The following SUGCT variants were observed in gnomAD, a reference collection of about 807,000 sequenced individuals.
SUGCT encodes succinyl-CoA:glutarate CoA-transferase.
In SUGCT, 41 loss-of-function variants were observed where a neutral mutation model predicts 55.0. The observed-to-expected ratio is 0.74, with a 90% CI of 0.58 to 0.97. The LOEUF is 0.97. Among genes scored for constraint, SUGCT ranks in the 50% least tolerant of loss-of-function variants. The probability of loss-of-function intolerance (pLI) is 0.00; values close to 1 mark genes in which losing one functional copy is unlikely to be tolerated. For missense variants in SUGCT, 568 were observed against 547.8 expected, an observed-to-expected ratio of 1.04 and a Z score of -0.37; for synonymous variants, 187 against 200.4, an observed-to-expected ratio of 0.93 and a Z score of 0.56.
intron 6 of SUGCT, among the ~76,000 whole-genome samples, chr7:40,204,581 C>A (rs554586522): frequency 6.6e-6 from 1 of 151,814 alleles, no homozygotes; most frequent in African/African-American, 2.4e-5. Flanking sequence ...GGATTACAGG[C>A]GTGAGCCACT....
intron 6 of SUGCT, among the ~76,000 whole-genome samples, chr7:40,204,162 G>T (rs537617015): frequency 8.1e-4 from 123 of 151,532 alleles, no homozygotes; most frequent in African/African-American, 2.7e-3. Flanking sequence ...CTAATTTTTT[G>T]ATTTTTTTGG....
the SUGCT span, among the ~76,000 whole-genome samples, chr7:40,988,855 A>G: frequency 6.6e-6 from 1 of 151,456 alleles, no homozygotes; most frequent in East Asian, 2.0e-4. Flanking sequence ...GGCTTTGCCA[A>G]TAAATAAATA....
At chr7:40,347,615 T>G (rs1220715798) in intron 9 of SUGCT, among the ~76,000 whole-genome samples, 1 of 152,184 alleles carries the variant, frequency 6.6e-6, no homozygotes, top group Non-Finnish European at 1.5e-5. Flanking sequence ...AATCAAAAAA[T>G]GAGAAAGCAC....
intron 12 of SUGCT, among the ~76,000 whole-genome samples, chr7:40,518,182 C>T (rs1006473582): frequency 6.6e-6 from 1 of 151,956 alleles, no homozygotes; most frequent in Non-Finnish European, 1.5e-5. Context: ...AAGATGGAAT[C>T]CAGAATGTGA....
intron 12 of SUGCT, among the ~76,000 whole-genome samples, chr7:40,641,078 C>G (rs1031404369): frequency 3.3e-5 from 5 of 152,218 alleles, no homozygotes; most frequent in African/African-American, 1.2e-4. Flanking sequence ...TCTTCCCCTT[C>G]TTAACCTTAA....
In SUGCT at chr7:40,745,475, C is replaced by G. The variant is rs190523849; in HGVS notation, c.1090-3959C>G. The stretch of plus-strand genomic sequence containing the variant: ...TAAGGTATACATTTTACTCTTTCCC[C>G]CCATCATTAATACATTACCACTTGA... On this transcript the variant is annotated intron_variant, in intron 12 of 13. Coordinates refer to ENST00000335693, the MANE Select transcript of SUGCT (RefSeq NM_001193313.2). Among the ~76,000 whole-genome samples, 9 of 152,188 alleles carry G rather than the reference C, an allele frequency of 5.9e-5. No homozygotes were observed. The East Asian group carries it at 1.7e-3, about 29-fold the overall frequency.
At chr7:40,209,382 C>T (rs987485923) in intron 6 of SUGCT, among the ~76,000 whole-genome samples, 1 of 152,138 alleles carries the variant, frequency 6.6e-6, no homozygotes, top group Non-Finnish European at 1.5e-5. Context: ...CCTGTAGTCC[C>T]AGACACTCAG....
intron 1 of SUGCT, among the ~76,000 whole-genome samples, chr7:40,158,560 G>C (rs1784005083): frequency 1.3e-5 from 2 of 152,204 alleles, no homozygotes; most frequent in Non-Finnish European, 2.9e-5. Flanking sequence ...AGACCAGCCT[G>C]ACCAATGTAG....
chr7:40,573,480 A>G (rs1394560509), intron 12 of SUGCT, among the ~76,000 whole-genome samples: 1 of 152,154 alleles, frequency 6.6e-6, no homozygotes, highest in Non-Finnish European at 1.5e-5. Flanking sequence ...TCCCCTAAGT[A>G]ATAAGCTGTA....
the SUGCT span, chr7:40,979,868 G>C: frequency 1.3e-5 from 2 of 152,200 alleles, no homozygotes; most frequent in African/African-American, 4.8e-5. Flanking sequence ...GTGTAGCGTA[G>C]TTGGTTAAGT....
At chr7:40,141,269 A>G (rs1359089165) in intron 1 of SUGCT, among the ~76,000 whole-genome samples, 4 of 151,888 alleles carry the variant, frequency 2.6e-5, no homozygotes, top group African/African-American at 9.7e-5. Context: ...AGGCCTCCCA[A>G]AGTGCTGGGA....
intron 6 of SUGCT, among the ~76,000 whole-genome samples, chr7:40,208,631 G>A (rs981675041): frequency 6.6e-6 from 1 of 151,208 alleles, no homozygotes; most frequent in African/African-American, 2.4e-5. Context: ...TGCAACCTCC[G>A]CCTCCCGGGT....
chr7:40,875,143 C>CT, the SUGCT span, among the ~76,000 whole-genome samples: 1 of 152,198 alleles, frequency 6.6e-6, no homozygotes, highest in Non-Finnish European at 1.5e-5. Context: ...TTGGAAATTT[C>CT]TTAAGGGTAG....
chr7:40,439,094 A>G lies in SUGCT; in HGVS notation c.817-10193A>G, dbSNP rs1406470500. Among the ~76,000 whole-genome samples the G allele has an allele frequency of 1.5e-3, 191 of 125,034 alleles. 9 individuals are homozygous for G. Among genetic ancestry groups the G allele is most frequent in the East Asian group, 6.0e-3 (25 of 4,192 alleles). The allele number at this position is 125,034 out of a possible 152,430, so 82.0% of individuals were successfully genotyped here. A position where few individuals can be genotyped will look rare whatever the true frequency, so the allele number is the denominator to read the frequency against. The stretch of plus-strand genomic sequence containing the variant: ...TATATATATATATATATATATATAT[A>G]TATATATATATATATATGGATAGAG... On this transcript the variant is annotated intron_variant, in intron 9 of 13. Transcript: ENST00000335693.
At chr7:40,917,367 G>T in the SUGCT span, among the ~76,000 whole-genome samples, 4 of 152,260 alleles carry the variant, frequency 2.6e-5, no homozygotes, top group East Asian at 7.7e-4. Context: ...TAGGGTAGTA[G>T]GTTACTCTTA....
rs1344641743 is a variant in SUGCT at position 40,845,996 on chromosome 7, G to A, written c.1154-14320G>A. On this transcript the variant is annotated intron_variant, in intron 13 of 13. Transcript: ENST00000335693. ...GAGCCACAGATAAGCACCTACTATA[G>A]CTCTGTTTAGTTGCTCCTTTTAAAA... is the stretch of plus-strand genomic sequence containing the variant. 3.3e-5 allele frequency among the ~76,000 whole-genome samples: 5 copies of A among 152,160 alleles called. No homozygotes were observed. The East Asian group carries it at 7.7e-4, about 23-fold the overall frequency.
At chr7:40,536,150 G>T (rs905799035) in intron 12 of SUGCT, among the ~76,000 whole-genome samples, 1 of 152,124 alleles carries the variant, frequency 6.6e-6, no homozygotes, top group African/African-American at 2.4e-5. Context: ...TTTTAGTTTG[G>T]TGTGCAGAAG....
intron 9 of SUGCT, among the ~76,000 whole-genome samples, chr7:40,329,091 T>C (rs1796169187): frequency 6.6e-6 from 1 of 152,176 alleles, no homozygotes; most frequent in African/African-American, 2.4e-5. Flanking sequence ...CCTAGGGGTG[T>C]CCAGTGCAAA....
intron 13 of SUGCT, among the ~76,000 whole-genome samples, chr7:40,789,996 G>A (rs937581750): frequency 5.3e-5 from 8 of 152,084 alleles, no homozygotes; most frequent in African/African-American, 1.9e-4. Context: ...TTCAAAATAA[G>A]ATTTATCTGT....
Sources: allele counts gnomAD v4.1 joint callset (sites outside exome capture counted in the v4.1 genomes callset), GRCh38; gene constraint gnomAD v4.1.1; transcripts MANE v1.5; gene names NCBI Gene and HGNC (gene_info 2026-07-23, HGNC 2026-07-21).